The following PKHD1L1 variants were observed in gnomAD, a reference collection of about 807,000 sequenced individuals.
PKHD1L1 encodes the protein PKHD1 like 1, also known as fibrocystin-L.
PKHD1L1 carries 434 observed loss-of-function variants against 462.9 expected under a neutral mutation model. The ratio of observed to expected loss-of-function variants is 0.94; its 90% CI spans 0.87 to 1.02. PKHD1L1 has a LOEUF of 1.02. Among genes scored for constraint, PKHD1L1 ranks in the 50% least tolerant of loss-of-function variants. PKHD1L1 has a pLI of 0.00. For missense variants in PKHD1L1, 5,202 were observed against 5,096.1 expected (o/e 1.02, Z -0.63); for synonymous variants, 1,781 against 1,750.0 (o/e 1.02, Z -0.44).
intron 19 of PKHD1L1, among the ~76,000 whole-genome samples, chr8:109,410,962 C>T (rs1290778057): frequency 3.3e-5 from 5 of 151,628 alleles, no homozygotes; most frequent in East Asian, 1.9e-4. Flanking sequence ...CTCTTGACCT[C>T]GTGATCCGCA....
chr8:109,406,960 T>C (rs1223878074), intron 17 of PKHD1L1, among the ~76,000 whole-genome samples: 3 of 152,104 alleles, frequency 2.0e-5, no homozygotes, highest in Non-Finnish European at 2.9e-5. Flanking sequence ...AAAATCAATT[T>C]ACCTGTGTTT....
At chr8:109,525,424 C>T (rs189694911) in intron 76 of PKHD1L1, among the ~76,000 whole-genome samples, 132 of 152,322 alleles carry the variant, frequency 8.7e-4, no homozygotes, top group Non-Finnish European at 9.0e-4. Flanking sequence ...AGCCCCAAAT[C>T]TAATAACACC....
intron 63 of PKHD1L1, 95 bp from the exon 64 acceptor site, chr8:109,496,824 G>A (rs1819112262): frequency 7.5e-7 from 1 of 1,331,432 alleles, no homozygotes; most frequent in Admixed American, 2.3e-5. Flanking sequence ...ATGTAATTTT[G>A]AAAAGAATTT....
chr8:109,523,491 A>G (rs1001945947), intron 76 of PKHD1L1, 105 bp downstream of exon 76: 2 of 1,149,870 alleles, frequency 1.7e-6, no homozygotes, highest in Non-Finnish European at 2.4e-6. Flanking sequence ...TCAATAAATT[A>G]TAGACATCAG....
At chr8:109,389,750 A>C (rs905996441) in intron 8 of PKHD1L1, among the ~76,000 whole-genome samples, 6 of 151,530 alleles carry the variant, frequency 4.0e-5, no homozygotes, top group South Asian at 2.1e-4. Context: ...CTGGTCTCAA[A>C]CTCCTGACTT....
chr8:109,466,651 G>A lies in PKHD1L1; in HGVS notation c.8487G>A (p.Trp2829Ter), dbSNP rs750272827. 2.5e-6 allele frequency: 4 copies of A among 1,610,538 alleles called. No homozygotes were observed. The highest frequency in any genetic ancestry group is 3.4e-6 in the Non-Finnish European group (4 of 1,178,330). ...CTCATTGTACTCAGGAAGCTGAGTG[G>A]AGCATTGGGTTCCCTGGATCAGTCT... The part of the protein sequence containing the change: ...DPSHCTQEAE[W>*]SIGFPGSVCD... Residue 2829 changes from tryptophan to a stop codon, truncating the protein, a stop_gained, in exon 50 of 78, where the codon TGG becomes TGA. Transcript: ENST00000378402. LOFTEE classifies it high-confidence loss of function.
intron 67 of PKHD1L1, among the ~76,000 whole-genome samples, chr8:109,501,473 C>A (rs1217345221): frequency 6.6e-6 from 1 of 152,186 alleles, no homozygotes; most frequent in Non-Finnish European, 1.5e-5. Context: ...TACTACTCAG[C>A]ATGAATTGTT....
chr8:109,409,587 G>A (rs1168903804), intron 18 of PKHD1L1, among the ~76,000 whole-genome samples: 1 of 152,018 alleles, frequency 6.6e-6, no homozygotes, highest in Non-Finnish European at 1.5e-5. Flanking sequence ...CTTTAAAAAG[G>A]TACTAAACAA....
Position 109,498,449 on chromosome 8 carries a change from T to C in PKHD1L1, c.10600-13T>C, listed in dbSNP as rs1166409474. 3.2e-6 allele frequency: 5 copies of C among 1,573,638 alleles called. No individual in the cohort carries two copies. In the African/African-American group the frequency reaches 6.8e-5, roughly 21 times the overall value. ...ATTATTAATGCTATATTGTTTGGCT[T>C]ATTTCCAAACAGAGCTCATTAATTG... is the stretch of plus-strand genomic sequence containing the variant. On this transcript the variant is annotated splice_polypyrimidine_tract_variant and intron_variant, in intron 65 of 77. Coordinates refer to ENST00000378402, the MANE Select transcript of PKHD1L1 (RefSeq NM_177531.6).
intron 3 of PKHD1L1, among the ~76,000 whole-genome samples, chr8:109,381,957 T>C (rs1205449713): frequency 2.0e-5 from 3 of 152,154 alleles, no homozygotes; most frequent in Non-Finnish European, 2.9e-5. Flanking sequence ...TATTAGCAAC[T>C]TAGGAAAAAT....
intron 71 of PKHD1L1, among the ~76,000 whole-genome samples, chr8:109,513,834 T>TG (rs1458291687): frequency 1.3e-5 from 2 of 152,132 alleles, no homozygotes; most frequent in African/African-American, 4.8e-5. Flanking sequence ...CCACCTCCAC[T>TG]GCTACTATCC....
At position 109,536,581 on chromosome 8, in the gene PKHD1L1, G is replaced by A. The variant is rs1038410018; in HGVS notation, c.*6491G>A. Among the ~76,000 whole-genome samples the A allele has an allele frequency of 3.3e-5, 5 of 152,120 alleles. No individual in the cohort carries two copies. The highest frequency in any genetic ancestry group is 5.9e-5 in the Non-Finnish European group (4 of 68,030). On this transcript the variant is annotated 3_prime_UTR_variant, in exon 78 of 78. Coordinates refer to ENST00000378402, the MANE Select transcript of PKHD1L1 (RefSeq NM_177531.6). Reference sequence around the variant, plus strand: ...TGAACTCTGTCATAAATCTAATAACGATGTGGACATTAGCCAGAAGTATGA... The same window carrying A: ...TGAACTCTGTCATAAATCTAATAACAATGTGGACATTAGCCAGAAGTATGA...
At chr8:109,436,590 C>A in intron 30 of PKHD1L1, 131 bp downstream of exon 30, 2 of 1,374,964 alleles carry the variant, frequency 1.5e-6, no homozygotes, top group South Asian at 1.5e-5. Flanking sequence ...CTATTATGCT[C>A]CTTAAAACTT....
At chr8:109,364,425 C>A in intron 1 of PKHD1L1, 122 bp from the exon 2 acceptor site, 2 of 741,086 alleles carry the variant, frequency 2.7e-6, no homozygotes, top group Non-Finnish European at 4.4e-6. Context: ...GTGAATTTTA[C>A]TTTCAATCCT....
At chr8:109,388,996 T>C in intron 7 of PKHD1L1, 83 bp from the exon 8 acceptor site, 4 of 913,912 alleles carry the variant, frequency 4.4e-6, no homozygotes, top group Non-Finnish European at 6.7e-6. Context: ...ATTCTGAAAT[T>C]AATGAGTAGT....
rs1821103610 is a variant in PKHD1L1, at chr8:109,534,278, C to T, written c.*4188C>T. Among the ~76,000 whole-genome samples, 1 of 152,158 alleles carries T rather than the reference C, an allele frequency of 6.6e-6. No individual in the cohort carries two copies. The highest frequency in any genetic ancestry group is 2.1e-4 in the South Asian group (1 of 4,824). On this transcript the variant is annotated 3_prime_UTR_variant, in exon 78 of 78. Transcript: ENST00000378402. ...GAGATCGAGACTATCCTGGCTAACACAGTGAAATCCTGTCTCTACTAAAAA... is the reference window on the plus strand; with the variant it reads ...GAGATCGAGACTATCCTGGCTAACATAGTGAAATCCTGTCTCTACTAAAAA...
At chr8:109,523,533 T>C in intron 76 of PKHD1L1, 147 bp downstream of exon 76, 1 of 698,254 alleles carries the variant, frequency 1.4e-6, no homozygotes, top group African/African-American at 1.8e-5. Flanking sequence ...TCAGAAAATA[T>C]TTAGTCTAGC....
intron 55 of PKHD1L1, 141 bp downstream of exon 55, chr8:109,480,280 G>C (rs1023254292): frequency 2.7e-5 from 23 of 855,050 alleles, no homozygotes; most frequent in Non-Finnish European, 3.7e-5. Flanking sequence ...GCAAGTCTCA[G>C]TTAAGTCCAA....
At position 109,383,206 on chromosome 8, in the gene PKHD1L1, TATATA is replaced by T. The variant is rs571071785; in HGVS notation, c.417+643_417+647del. Among the ~76,000 whole-genome samples the T allele has an allele frequency of 7.8e-3, 681 of 87,546 alleles. 18 individuals carry two copies. The East Asian group carries it at 0.11, about 14-fold the overall frequency. 57.4% of individuals were successfully genotyped at this position (87,546 alleles called of 152,430 possible). A position where few individuals can be genotyped will look rare whatever the true frequency, so the allele number is the denominator to read the frequency against. On this transcript the variant is annotated intron_variant, in intron 4 of 77. Coordinates refer to ENST00000378402, the MANE Select transcript of PKHD1L1 (RefSeq NM_177531.6). ...TATATAATTATATATAATTATATAT[TATATA>T]ATATAATTATATATTATATATAGTT...
Sources: allele counts gnomAD v4.1 joint callset (sites outside exome capture counted in the v4.1 genomes callset), GRCh38; gene constraint gnomAD v4.1.1; transcripts MANE v1.5; gene names NCBI Gene and HGNC (gene_info 2026-07-23, HGNC 2026-07-21).